COQ2: variants seen among roughly 807,000 people sequenced by gnomAD.
COQ2 encodes 4-hydroxybenzoate polyprenyltransferase, mitochondrial.
Under a neutral mutation model 35.7 loss-of-function variants are expected in COQ2, and 25 were observed. The ratio of observed to expected loss-of-function variants is 0.70; its 90% confidence interval spans 0.51 to 0.98. COQ2 has a LOEUF of 0.98. Among genes scored for constraint, COQ2 ranks in the 50% least tolerant of loss-of-function variants. The pLI, the probability that COQ2 is intolerant of heterozygous loss-of-function variation, is 0.00. For synonymous variants in COQ2, 206 were observed against 186.2 expected, an observed-to-expected ratio of 1.11 and a Z score of -0.86; for missense variants, 488 against 473.5, an observed-to-expected ratio of 1.03 and a Z score of -0.28.
chr4:83,275,350 T>C (rs1735140910), intron 2 of COQ2, among the ~76,000 whole-genome samples: 1 of 152,164 alleles, frequency 6.6e-6, no homozygotes. Flanking sequence ...GCTGCCTAAT[T>C]GCTACCAGCT....
chr4:83,273,631 AAC>A lies in COQ2; in HGVS notation c.421-16_421-15del, dbSNP rs747345294. Reference sequence around the variant, plus strand: ...TGTTCTTGTAACCTTAAAACATAAAAACAGATACCTTAGCTTCATGTAATGAC... The same window carrying A: ...TGTTCTTGTAACCTTAAAACATAAAAAGATACCTTAGCTTCATGTAATGAC... On this transcript the variant is annotated splice_polypyrimidine_tract_variant and intron_variant, in intron 2 of 6. Coordinates refer to ENST00000647002, the MANE Select transcript of COQ2 (RefSeq NM_001358921.2). 1.4e-5 allele frequency: 23 copies of A among 1,611,848 alleles called. No homozygotes were observed. Among genetic ancestry groups the A allele is most frequent in the Non-Finnish European group, 1.6e-5 (19 of 1,179,040 alleles).
chr4:83,267,672 C>T lies in COQ2; in HGVS notation c.865G>A (p.Ala289Thr), dbSNP rs767032541. Reference protein sequence around the residue: ...LSGFSVAMLGALSLVGVNSGQ... With the variant: ...LSGFSVAMLGTLSLVGVNSGQ... The stretch of plus-strand genomic sequence containing the variant: ...CTGTTCACACCCACTAGGCTCAGTG[C>T]CCCCAGCATTGCAACACTGAAGCCG... Residue 289 changes from alanine (A) to threonine (T), a missense_variant, in exon 6 of 7, where the codon GCA (alanine) becomes ACA (threonine). Ala to Thr is a moderately conservative substitution (Grantham distance 58). Coordinates refer to ENST00000647002, the MANE Select transcript of COQ2 (RefSeq NM_001358921.2). 3 of 1,568,368 alleles carry T rather than the reference C, an allele frequency of 1.9e-6. No individual in the cohort carries two copies. Among genetic ancestry groups the T allele is most frequent in the East Asian group, 2.4e-5 (1 of 42,020 alleles).
chr4:83,265,295 C>T lies in COQ2; in HGVS notation c.952-932G>A, dbSNP rs1470290655. ...TCGAAAACTGGACAGAGAGGCCAGG[C>T]GTGGTGGCTCATGCCTGTAATCCCA... On this transcript the variant is annotated intron_variant, in intron 6 of 6. Transcript: ENST00000647002. 3.3e-5 allele frequency among the ~76,000 whole-genome samples: 5 copies of T among 152,260 alleles called. No individual in the cohort carries two copies. The South Asian group carries it at 8.3e-4, about 25-fold the overall frequency.
chr4:83,265,810 G>A (rs1043461426), intron 6 of COQ2, among the ~76,000 whole-genome samples: 6 of 151,968 alleles, frequency 3.9e-5, no homozygotes, highest in African/African-American at 1.2e-4. Context: ...AATTACAGGT[G>A]CACACCACCA....
At chr4:83,284,217 G>T in intron 1 of COQ2, 1 of 985,486 alleles carries the variant, frequency 1.0e-6, no homozygotes, top group African/African-American at 1.7e-5. Flanking sequence ...AGGTGCTCAG[G>T]ATGCAGACAG....
Position 83,284,605 on chromosome 4 carries a change from G to T in COQ2, c.160C>A (p.Arg54Ser). The change falls in exon 1 of 7, where the codon CGC becomes AGC. Residue 54 changes from arginine to serine, a missense_variant. Arg to Ser is a moderately radical substitution (Grantham distance 110, BLOSUM62 -1). Transcript: ENST00000647002. ...GCCGCCGCGGACAAACTGAGCTGGC[G>T]CCCGCGCGGCTCGGGACAGGCGGGG... ...QPPACPEPRG[R>S]QLSLSAAAVV... 6.5e-7 allele frequency: 1 copy of T among 1,535,366 alleles called. No individual in the cohort carries two copies. Among genetic ancestry groups the T allele is most frequent in the Non-Finnish European group, 8.8e-7 (1 of 1,141,982 alleles).
chr4:83,272,099 G>C lies in COQ2; in HGVS notation c.616C>G (p.Gln206Glu), dbSNP rs1412203413. 2 of 1,606,620 alleles carry C rather than the reference G, an allele frequency of 1.2e-6. No homozygotes were observed. Among genetic ancestry groups the C allele is most frequent in the Non-Finnish European group, 1.7e-6 (2 of 1,175,564 alleles). ...PLMKRISYWP[Q>E]LALGLTFNWG... Reference sequence around the variant, plus strand: ...ATTGTAAGCTCACCCAAGGCTAGTTGAGGCCAGTATGAAATTCTTTTCATT... The same window carrying C: ...ATTGTAAGCTCACCCAAGGCTAGTTCAGGCCAGTATGAAATTCTTTTCATT... Residue 206 changes from glutamine (Q) to glutamate (E), a missense_variant, in exon 4 of 7, where the codon CAA (glutamine) becomes GAA (glutamate). Transcript: ENST00000647002.
intron 4 of COQ2, among the ~76,000 whole-genome samples, chr4:83,271,497 C>A (rs1349894813): frequency 6.6e-6 from 1 of 152,076 alleles, no homozygotes; most frequent in East Asian, 1.9e-4. Context: ...TCATGACATA[C>A]CTAGATTTTT....
Position 83,273,586 on chromosome 4 carries a change from G to A in COQ2, c.452C>T (p.Ala151Val). The part of the protein sequence containing the change: ...VTRTANRPIA[A>V]GDISTFQSFV... ...GGACTGAAAAGTTGAAATGTCTCCAGCGGCTATTGGACGATTGGCTGTTCT... is the reference window on the plus strand; with the variant it reads ...GGACTGAAAAGTTGAAATGTCTCCAACGGCTATTGGACGATTGGCTGTTCT... Residue 151 changes from alanine to valine, a missense_variant, in exon 3 of 7, where the codon GCT (alanine) becomes GTT (valine). Physicochemically the swap from Ala to Val is moderately conservative, Grantham distance 64. Coordinates refer to ENST00000647002, the MANE Select transcript of COQ2 (RefSeq NM_001358921.2). 1 of 1,613,716 alleles carries A rather than the reference G, an allele frequency of 6.2e-7. No individual in the cohort carries two copies. Among genetic ancestry groups the A allele is most frequent in the Non-Finnish European group, 8.5e-7 (1 of 1,179,766 alleles).
intron 5 of COQ2, among the ~76,000 whole-genome samples, chr4:83,269,595 C>T (rs1255095538): frequency 3.3e-5 from 5 of 152,090 alleles, no homozygotes; most frequent in African/African-American, 2.4e-5. Flanking sequence ...GTGCCTGGCA[C>T]ATAGTAAATA....
Position 83,273,490 on chromosome 4 carries a change from A to G in COQ2, c.542+6T>C, listed in dbSNP as rs1382818217. Reference sequence around the variant, plus strand: ...TTATACATGATGTGGAAAACGTTTAATATACCTGTAGTAATTTAGACACAG... The same window carrying G: ...TTATACATGATGTGGAAAACGTTTAGTATACCTGTAGTAATTTAGACACAG... On this transcript the variant is annotated splice_donor_region_variant and intron_variant, in intron 3 of 6. Transcript: ENST00000647002. The G allele has an allele frequency of 6.2e-7, 1 of 1,608,686 alleles. No homozygotes were observed. Among genetic ancestry groups the G allele is most frequent in the African/African-American group, 1.3e-5 (1 of 74,564 alleles).
chr4:83,279,602 C>T (rs1233475472), intron 1 of COQ2, among the ~76,000 whole-genome samples: 2 of 151,030 alleles, frequency 1.3e-5, no homozygotes, highest in South Asian at 2.1e-4. Context: ...TATATATATA[C>T]GTACCTACAT....
At chr4:83,273,689 G>T in intron 2 of COQ2, 72 bp from the exon 3 acceptor site, 1 of 1,463,724 alleles carries the variant, frequency 6.8e-7, no homozygotes. Flanking sequence ...TTAATGAAGA[G>T]ACTGGCCCAT....
At chr4:83,264,807 A>T (rs1734872561) in intron 6 of COQ2, among the ~76,000 whole-genome samples, 1 of 152,162 alleles carries the variant, frequency 6.6e-6, no homozygotes, top group Non-Finnish European at 1.5e-5. Context: ...TGACTGATCT[A>T]AAGTCTGTCT....
chr4:83,283,477 A>G, intron 1 of COQ2: 1 of 985,444 alleles, frequency 1.0e-6, no homozygotes, highest in Non-Finnish European at 1.2e-6. Flanking sequence ...TACTTCCCGC[A>G]CTAAGATCTC....
rs772719748 is a variant in COQ2 at position 83,284,747 on chromosome 4, G to C, written c.18C>G (p.Ala6=). The change falls in exon 1 of 7, where the codon GCC becomes GCG. Residue 6 remains alanine (A), a synonymous_variant. Coordinates refer to ENST00000647002, the MANE Select transcript of COQ2 (RefSeq NM_001358921.2). ...CCCGCAGGCCCCGCGCGAACCCCGC[G>C]GCTCGCGAGCCCAGCATGGCGCTGG... The part of the protein sequence containing the change: MLGSR[A]AGFARGLRAV... 21 of 1,531,588 alleles carry C rather than the reference G, an allele frequency of 1.4e-5. No individual in the cohort carries two copies. Among genetic ancestry groups the C allele is most frequent in the South Asian group, 2.4e-5 (2 of 82,482 alleles). The allele number at this position is 1,531,588 out of a possible 1,614,324, so 94.9% of individuals were successfully genotyped here.
chr4:83,270,053 G>C lies in COQ2; in HGVS notation c.629-60C>G. 1.9e-6 allele frequency: 3 copies of C among 1,567,216 alleles called. No individual in the cohort carries two copies. In the African/African-American group the frequency reaches 4.1e-5, roughly 21 times the overall value. The stretch of plus-strand genomic sequence containing the variant: ...TGTATGTACTTTAGAATCCTAAAGG[G>C]AAGGAGTGGCATCGGAGTGTGTTCA... On this transcript the variant is annotated intron_variant, in intron 4 of 6. Coordinates refer to ENST00000647002, the MANE Select transcript of COQ2 (RefSeq NM_001358921.2).
chr4:83,267,227 A>G (rs1190145269), intron 6 of COQ2: 2 of 453,972 alleles, frequency 4.4e-6, no homozygotes, highest in Non-Finnish European at 4.4e-6. Context: ...AATAAAAAAA[A>G]TTAGCCAGGC....
intron 2 of COQ2, among the ~76,000 whole-genome samples, chr4:83,277,973 AACACACACACACACAC>A (rs10595798): frequency 0.027 from 3,719 of 140,232 alleles, 164 homozygotes; most frequent in African/African-American, 0.09. Flanking sequence ...TCCATCTCAA[AACACACACACACACAC>A]ACACACACAC....
Sources: allele counts gnomAD v4.1 joint callset (sites outside exome capture counted in the v4.1 genomes callset), GRCh38; gene constraint gnomAD v4.1.1; transcripts MANE v1.5; gene names NCBI Gene and HGNC (gene_info 2026-07-23, HGNC 2026-07-21).